Variants in EPB41L4A observed in about 807,000 individuals in gnomAD.
EPB41L4A encodes the protein band 4.1-like protein 4A.
A neutral mutation model predicts 108.6 loss-of-function variants in EPB41L4A; 100 were observed. That is an observed-to-expected ratio of 0.92 (90% CI 0.78 to 1.09). The LOEUF (loss-of-function observed/expected upper bound fraction) is 1.09. Ranked by LOEUF, EPB41L4A falls within the 50% of genes least tolerant of loss-of-function variation. The pLI, the probability that EPB41L4A is intolerant of heterozygous loss-of-function variation, is 0.00. For missense variants in EPB41L4A, 1,030 were observed against 842.7 expected (o/e 1.22, Z -2.75); for synonymous variants, 319 against 289.0 (o/e 1.10, Z -1.05).
intron 1 of EPB41L4A, among the ~76,000 whole-genome samples, chr5:112,319,993 A>G (rs1408878936): frequency 1.3e-5 from 2 of 152,252 alleles, no homozygotes; most frequent in Non-Finnish European, 2.9e-5. Context: ...GTAAAACGTA[A>G]GCAACTGCAT....
At chr5:112,183,037 T>C (rs373315634) in intron 18 of EPB41L4A, among the ~76,000 whole-genome samples, 27 of 152,202 alleles carry the variant, frequency 1.8e-4, no homozygotes, top group African/African-American at 6.5e-4. Context: ...TAATTTCTAA[T>C]TGAAAGGTAA....
intron 1 of EPB41L4A, among the ~76,000 whole-genome samples, chr5:112,342,670 C>T (rs1396264222): frequency 6.6e-6 from 1 of 152,144 alleles, no homozygotes; most frequent in African/African-American, 2.4e-5. Flanking sequence ...CCATGGCCAC[C>T]TGGGTTGAAG....
At chr5:112,225,922 G>T (rs1748416136) in intron 12 of EPB41L4A, among the ~76,000 whole-genome samples, 1 of 152,202 alleles carries the variant, frequency 6.6e-6, no homozygotes, top group Admixed American at 6.5e-5. Context: ...TAAACATTGA[G>T]AATTACAGCA....
intron 12 of EPB41L4A, among the ~76,000 whole-genome samples, chr5:112,217,043 C>G (rs4957637): frequency 0.077 from 11,614 of 151,806 alleles, 503 homozygotes; most frequent in African/African-American, 0.1. Flanking sequence ...CTCCCAGGTT[C>G]AAGCGATTCT....
intron 18 of EPB41L4A, among the ~76,000 whole-genome samples, chr5:112,181,319 C>T (rs1190405903): frequency 6.6e-6 from 1 of 152,044 alleles, no homozygotes; most frequent in African/African-American, 2.4e-5. Flanking sequence ...GGCGTGGTGG[C>T]GGGCGCCTCT....
rs571771322 is a variant in EPB41L4A at position 112,188,397 on chromosome 5, G to A, written c.1503-4262C>T. 1.5e-3 allele frequency among the ~76,000 whole-genome samples: 232 copies of A among 151,858 alleles called. 2 individuals are homozygous for A. The highest frequency in any genetic ancestry group is 5.2e-3 in the African/African-American group (216 of 41,402). ...TCTGTCTCTTCCACTTATTCCTTACGTGCCCACTACTACAATGGGCTACCT... is the reference window on the plus strand; with the variant it reads ...TCTGTCTCTTCCACTTATTCCTTACATGCCCACTACTACAATGGGCTACCT... On this transcript the variant is annotated intron_variant, in intron 17 of 22. Coordinates refer to ENST00000261486, the MANE Select transcript of EPB41L4A (RefSeq NM_022140.5).
intron 12 of EPB41L4A, among the ~76,000 whole-genome samples, chr5:112,157,084 C>T (rs557764248): frequency 2.7e-5 from 4 of 150,888 alleles, no homozygotes; most frequent in Non-Finnish European, 5.9e-5. Flanking sequence ...GTAATATTGA[C>T]ACAGGAGAGA....
intron 1 of EPB41L4A, among the ~76,000 whole-genome samples, chr5:112,362,243 T>G (rs1758813418): frequency 6.6e-6 from 1 of 150,950 alleles, no homozygotes; most frequent in Non-Finnish European, 1.5e-5. Context: ...TGGTTGGGAC[T>G]ACAGGCTCAT....
At chr5:112,153,708 T>C (rs1031819340) in intron 12 of EPB41L4A, among the ~76,000 whole-genome samples, 2 of 151,340 alleles carry the variant, frequency 1.3e-5, no homozygotes, top group Admixed American at 6.6e-5. Context: ...AGTAAGGATA[T>C]AGAAGATTGG....
intron 1 of EPB41L4A, among the ~76,000 whole-genome samples, chr5:112,338,606 C>A (rs1757072380): frequency 6.6e-6 from 1 of 151,442 alleles, no homozygotes; most frequent in Non-Finnish European, 1.5e-5. Flanking sequence ...ACACCCCCCG[C>A]CACCACACAC....
intron 1 of EPB41L4A, among the ~76,000 whole-genome samples, chr5:112,350,188 T>C (rs1267593588): frequency 2.0e-5 from 3 of 152,230 alleles, no homozygotes; most frequent in African/African-American, 7.2e-5. Context: ...CATATGTGGC[T>C]AGAAGCTACC....
intron 7 of EPB41L4A, among the ~76,000 whole-genome samples, chr5:112,260,452 A>G (rs2150439449): frequency 6.6e-6 from 1 of 152,354 alleles, no homozygotes; most frequent in South Asian, 2.1e-4. Flanking sequence ...ACTGGCATCT[A>G]TCAAGGGTGC....
At chr5:112,160,977 GCCAC>G (rs1759855511), downstream of EPB41L4A, 1 of 156,256 alleles carries the variant, frequency 6.4e-6, no homozygotes, top group South Asian at 2.0e-4. Context: ...GGGGAACGCG[GCCAC>G]CCTGAGTCTG....
rs188353017 is a variant in EPB41L4A, at chr5:112,172,120, C to G, written c.1623-1128G>C. Among the ~76,000 whole-genome samples the G allele has an allele frequency of 8.9e-3, 1,352 of 152,214 alleles. 16 individuals are homozygous for G. Among genetic ancestry groups the G allele is most frequent in the Middle Eastern group, 0.024 (7 of 294 alleles). ...GATCTGTCTATAAAGACCTTTTAAT[C>G]AACTCAGGATGAGACAAAACATGAA... On this transcript the variant is annotated intron_variant, in intron 18 of 22. Transcript: ENST00000261486.
rs145223559 is a variant in EPB41L4A, at chr5:112,344,169, C to G, written c.100-36679G>C. 4.2e-4 allele frequency among the ~76,000 whole-genome samples: 64 copies of G among 152,224 alleles called. No individual in the cohort carries two copies. The East Asian group carries it at 0.012, about 29-fold the overall frequency. ...TTTAAAAAATAAAAAAAAGGCTAATCTAAGTTCAATATCATAATCACTACC... is the reference window on the plus strand; with the variant it reads ...TTTAAAAAATAAAAAAAAGGCTAATGTAAGTTCAATATCATAATCACTACC... On this transcript the variant is annotated intron_variant, in intron 1 of 22. Coordinates refer to ENST00000261486, the MANE Select transcript of EPB41L4A (RefSeq NM_022140.5).
chr5:112,177,386 T>G (rs1488020601), intron 18 of EPB41L4A, among the ~76,000 whole-genome samples: 1 of 152,236 alleles, frequency 6.6e-6, no homozygotes, highest in Non-Finnish European at 1.5e-5. Context: ...ATGATTACTT[T>G]GGGCCTACTT....
At chr5:112,370,558 A>C (rs185201008) in intron 1 of EPB41L4A, among the ~76,000 whole-genome samples, 1 of 152,286 alleles carries the variant, frequency 6.6e-6, no homozygotes, top group Admixed American at 6.5e-5. Flanking sequence ...ATCTATATTA[A>C]ATAAAAATAT....
At chr5:112,343,291 A>G (rs943176562) in intron 1 of EPB41L4A, among the ~76,000 whole-genome samples, 1 of 152,214 alleles carries the variant, frequency 6.6e-6, no homozygotes, top group East Asian at 1.9e-4. Context: ...GAAGAAATAT[A>G]TAGTATGGAG....
intron 1 of EPB41L4A, among the ~76,000 whole-genome samples, chr5:112,348,579 A>G (rs1757834880): frequency 6.6e-6 from 1 of 152,126 alleles, no homozygotes; most frequent in African/African-American, 2.4e-5. Flanking sequence ...ATAGGGAAGC[A>G]GGTGGGGGAG....
Sources: allele counts gnomAD v4.1 joint callset (sites outside exome capture counted in the v4.1 genomes callset), GRCh38; gene constraint gnomAD v4.1.1; transcripts MANE v1.5; gene names NCBI Gene and HGNC (gene_info 2026-07-23, HGNC 2026-07-21).